The following TEX26 variants were observed in gnomAD, a reference collection of about 807,000 sequenced individuals.
TEX26 encodes testis expressed 26, also known as testis-expressed protein 26.
TEX26 carries 34 observed loss-of-function variants against 35.3 expected under a neutral mutation model. The observed-to-expected ratio is 0.96, with a 90% CI of 0.73 to 1.28. The LOEUF (loss-of-function observed/expected upper bound fraction) is 1.28, where lower values mean the gene tolerates loss of function less well. Among genes scored for constraint, TEX26 ranks in the 50% most tolerant of loss-of-function variants. The pLI, the probability that TEX26 is intolerant of heterozygous loss-of-function variation, is 0.00. For missense variants in TEX26, 371 were observed against 330.1 expected, an observed-to-expected ratio of 1.12 and a Z score of -0.96; for synonymous variants, 136 against 111.8, an observed-to-expected ratio of 1.22 and a Z score of -1.36.
chr13:30,934,211 G>A (rs763623228), intron 1 of TEX26, among the ~76,000 whole-genome samples: 1 of 152,180 alleles, frequency 6.6e-6, no homozygotes, highest in Non-Finnish European at 1.5e-5. Context: ...TGCCTCCAAA[G>A]CTCTTTTTCC....
Position 30,966,536 on chromosome 13 carries a change from C to A in TEX26, c.646+138C>A. On this transcript the variant is annotated intron_variant, in intron 5 of 6. Transcript: ENST00000380473. The stretch of plus-strand genomic sequence containing the variant: ...CACTGAGATCTCCGCCTCCTGGGTT[C>A]AAGCGATTCTCCTGCCTCAGCCTCC... 4.1e-6 allele frequency: 3 copies of A among 734,654 alleles called. 1 individual carries two copies. Among genetic ancestry groups the A allele is most frequent in the South Asian group, 3.9e-5 (2 of 51,158 alleles). The allele number at this position is 734,654 out of a possible 1,614,324, so 45.5% of individuals were successfully genotyped here. A position where few individuals can be genotyped will look rare whatever the true frequency, so the allele number is the denominator to read the frequency against.
intron 6 of TEX26, 32 bp downstream of exon 6, chr13:30,969,078 G>A: frequency 6.3e-7 from 1 of 1,583,592 alleles, no homozygotes; most frequent in Non-Finnish European, 8.6e-7. Flanking sequence ...CACACTTACA[G>A]ATCACAATAC....
intron 5 of TEX26, among the ~76,000 whole-genome samples, chr13:30,968,176 CTCAAAGAAA>C (rs1259524575): frequency 6.6e-6 from 1 of 152,206 alleles, no homozygotes; most frequent in African/African-American, 2.4e-5. Context: ...AATATAAGAA[CTCAAAGAAA>C]TTATGGGAGG....
intron 3 of TEX26, among the ~76,000 whole-genome samples, chr13:30,954,355 A>G (rs1954047081): frequency 8.6e-6 from 1 of 115,880 alleles, no homozygotes; most frequent in African/African-American, 2.8e-5. Context: ...AGATATACAC[A>G]TAAAACTCCT....
At chr13:30,945,609 G>A (rs1007285090) in intron 2 of TEX26, among the ~76,000 whole-genome samples, 1 of 151,716 alleles carries the variant, frequency 6.6e-6, no homozygotes, top group Admixed American at 6.6e-5. Context: ...ACTCCTTTTA[G>A]CATTTCTTGT....
intron 1 of TEX26, among the ~76,000 whole-genome samples, chr13:30,934,709 G>GC (rs1953203605): frequency 1.3e-5 from 2 of 152,170 alleles, no homozygotes; most frequent in South Asian, 4.1e-4. Context: ...CGTGGGAGCT[G>GC]CCCCTTCTGA....
chr13:30,945,630 T>C (rs1270461236), intron 2 of TEX26, among the ~76,000 whole-genome samples: 1 of 151,984 alleles, frequency 6.6e-6, no homozygotes, highest in Non-Finnish European at 1.5e-5. Context: ...AGGGCTGGTC[T>C]GGTAGTGACA....
chr13:30,932,753 T>G lies in TEX26; in HGVS notation c.38T>G (p.Leu13Arg), dbSNP rs751530681. The G allele has an allele frequency of 1.9e-6, 3 of 1,613,786 alleles. No individual in the cohort carries two copies. The Admixed American group carries it at 5.0e-5, about 27-fold the overall frequency. ...GGGCCCAGGGCTCCGGATCCCTCTC[T>G]CTGCCACCACAACCTCCAGCCAAGT... ...QPGPRAPDPS[L>R]CHHNLQPTDD... is the part of the protein sequence containing the mutation. The change falls in exon 1 of 7, where the codon CTC becomes CGC. Residue 13 changes from leucine (L) to arginine (R), a missense_variant. Coordinates refer to ENST00000380473, the MANE Select transcript of TEX26 (RefSeq NM_152325.3).
chr13:30,949,430 G>T (rs952637377), intron 2 of TEX26, among the ~76,000 whole-genome samples: 3 of 151,760 alleles, frequency 2.0e-5, no homozygotes, highest in African/African-American at 7.3e-5. Context: ...GTAAAATCAG[G>T]TTTATTTCAT....
At chr13:30,949,883 C>T (rs1456558798) in intron 2 of TEX26, among the ~76,000 whole-genome samples, 2 of 152,048 alleles carry the variant, frequency 1.3e-5, no homozygotes, top group South Asian at 2.1e-4. Context: ...AAGAAAGTTA[C>T]ATATAGTGAA....
chr13:30,974,562 C>G (rs1954821225), intron 6 of TEX26, among the ~76,000 whole-genome samples: 1 of 152,156 alleles, frequency 6.6e-6, no homozygotes, highest in Admixed American at 6.5e-5. Flanking sequence ...TTGCTAACAA[C>G]TGCCAGCACA....
chr13:30,957,666 G>T (rs1954188087), intron 4 of TEX26, among the ~76,000 whole-genome samples: 1 of 152,184 alleles, frequency 6.6e-6, no homozygotes, highest in South Asian at 2.1e-4. Context: ...TTGACACAGG[G>T]CTGTGGCAGT....
chr13:30,963,079 C>T (rs940680572), intron 4 of TEX26, among the ~76,000 whole-genome samples: 3 of 152,072 alleles, frequency 2.0e-5, no homozygotes, highest in Non-Finnish European at 4.4e-5. Flanking sequence ...CCACCCGCCT[C>T]GGCCTCTCAA....
intron 4 of TEX26, among the ~76,000 whole-genome samples, chr13:30,965,626 T>C (rs1253434964): frequency 6.6e-6 from 1 of 152,230 alleles, no homozygotes; most frequent in African/African-American, 2.4e-5. Flanking sequence ...TTCATAGATA[T>C]TGAATGAATA....
At chr13:30,956,223 T>A (rs375984178) in intron 3 of TEX26, among the ~76,000 whole-genome samples, 2,565 of 140,052 alleles carry the variant, frequency 0.018, 90 homozygotes, top group African/African-American at 0.065. Flanking sequence ...TGTCCATGTG[T>A]TCTCATTGTT....
At chr13:30,942,157 A>G (rs952382368) in intron 2 of TEX26, among the ~76,000 whole-genome samples, 2 of 152,312 alleles carry the variant, frequency 1.3e-5, no homozygotes, top group Non-Finnish European at 1.5e-5. Flanking sequence ...TTTTCACCAC[A>G]TCGTTGCCAG....
chr13:30,944,828 T>A (rs1404456032), intron 2 of TEX26, among the ~76,000 whole-genome samples: 1 of 152,068 alleles, frequency 6.6e-6, no homozygotes, highest in African/African-American at 2.4e-5. Flanking sequence ...ACTTTTATTG[T>A]TTAAAATTTA....
chr13:30,974,131 A>ATATATATATATATATATATATAT (rs1555271792), intron 6 of TEX26, among the ~76,000 whole-genome samples: 3 of 84,418 alleles, frequency 3.6e-5, no homozygotes, highest in East Asian at 3.1e-4. Flanking sequence ...AAAAAAAAAA[A>ATATATATATATATATATATATAT]ATATATATAT....
Position 30,952,649 on chromosome 13 carries a change from T to G in TEX26, c.147-11T>G, listed in dbSNP as rs774302114. 5.8e-6 allele frequency: 9 copies of G among 1,547,666 alleles called. No homozygotes were observed. In the East Asian group the frequency reaches 9.4e-5, roughly 16 times the overall value. ...ACCTCTAACTCTAATTTCTGCTGGG[T>G]TTTTTTATAGCCAAAACGGTATCAG... On this transcript the variant is annotated splice_polypyrimidine_tract_variant and intron_variant, in intron 2 of 6. Coordinates refer to ENST00000380473, the MANE Select transcript of TEX26 (RefSeq NM_152325.3).
Sources: allele counts gnomAD v4.1 joint callset (sites outside exome capture counted in the v4.1 genomes callset), GRCh38; gene constraint gnomAD v4.1.1; transcripts MANE v1.5; gene names NCBI Gene and HGNC (gene_info 2026-07-23, HGNC 2026-07-21).